Variants in ANXA4 observed in about 807,000 individuals in gnomAD.
ANXA4 encodes 35-beta calcimedin.
In ANXA4, 39 loss-of-function variants were observed where a neutral mutation model predicts 49.8. That is an observed-to-expected ratio of 0.78 (90% confidence interval 0.61 to 1.02). The LOEUF is 1.02. Ranked by LOEUF, ANXA4 falls within the 50% of genes least tolerant of loss-of-function variation. ANXA4 has a pLI of 0.00. For missense variants in ANXA4, 360 were observed against 410.1 expected (o/e 0.88, Z 1.05); for synonymous variants, 134 against 152.5 (o/e 0.88, Z 0.89).
At chr2:69,783,588 A>G (rs374798371) in intron 2 of ANXA4, among the ~76,000 whole-genome samples, 15 of 152,342 alleles carry the variant, frequency 9.8e-5, no homozygotes, top group East Asian at 7.7e-4. Context: ...AGATTTTAAA[A>G]CATGTTTTAT....
At position 69,772,218 on chromosome 2, in the gene ANXA4, G is replaced by A. The variant is rs537932722; in HGVS notation, c.-46-9302G>A. On this transcript the variant is annotated intron_variant, in intron 1 of 12. Coordinates refer to ENST00000394295, the MANE Select transcript of ANXA4 (RefSeq NM_001153.5). Reference sequence around the variant, plus strand: ...CTGAGGCATAGTTGCTAATTATTTCGCCCCATCTGTGAGCAGCAAAGGAGC... The same window carrying A: ...CTGAGGCATAGTTGCTAATTATTTCACCCCATCTGTGAGCAGCAAAGGAGC... Among the ~76,000 whole-genome samples the A allele has an allele frequency of 5.3e-5, 8 of 152,144 alleles. No individual in the cohort carries two copies. In the South Asian group the frequency reaches 6.2e-4, roughly 12 times the overall value.
upstream of ANXA4, among the ~76,000 whole-genome samples, chr2:69,738,318 A>G (rs1388059689): frequency 6.6e-6 from 1 of 152,120 alleles, no homozygotes; most frequent in Non-Finnish European, 1.5e-5. Context: ...CCCCAAAGAA[A>G]AGTATTCCAA....
chr2:69,713,341 C>T (rs1678738221), intron 2 of ANXA4, among the ~76,000 whole-genome samples: 1 of 152,080 alleles, frequency 6.6e-6, no homozygotes, highest in Non-Finnish European at 1.5e-5. Context: ...CACTCATTCT[C>T]CCCAAGGAAG....
intron 2 of ANXA4, among the ~76,000 whole-genome samples, chr2:69,713,183 A>T (rs187479320): frequency 8.9e-5 from 12 of 134,360 alleles, no homozygotes; most frequent in African/African-American, 3.3e-4. Context: ...ATTATGAAGT[A>T]AAAAAAAAAA....
At chr2:69,688,043 G>T (rs1413724612) in intron 2 of ANXA4, among the ~76,000 whole-genome samples, 1 of 152,076 alleles carries the variant, frequency 6.6e-6, no homozygotes, top group East Asian at 1.9e-4. Context: ...TCCCATTTGT[G>T]TCATAAACTT....
intron 2 of ANXA4, among the ~76,000 whole-genome samples, chr2:69,653,533 C>T (rs566113332): frequency 6.6e-5 from 10 of 152,288 alleles, no homozygotes; most frequent in South Asian, 4.1e-4. Flanking sequence ...GGAAAATACC[C>T]TAATTCCTGA....
At chr2:69,763,912 C>G (rs753246357) in intron 1 of ANXA4, among the ~76,000 whole-genome samples, 1 of 152,154 alleles carries the variant, frequency 6.6e-6, no homozygotes, top group Admixed American at 6.5e-5. Context: ...CTGCCCTCCT[C>G]GGCCTCCCAA....
intron 7 of ANXA4, among the ~76,000 whole-genome samples, chr2:69,811,760 A>G (rs1673712984): frequency 6.6e-6 from 1 of 152,126 alleles, no homozygotes; most frequent in Non-Finnish European, 1.5e-5. Context: ...TCCTACACCT[A>G]AAGAAGCAGA....
intron 2 of ANXA4, among the ~76,000 whole-genome samples, chr2:69,711,396 G>A (rs1341213436): frequency 6.6e-6 from 1 of 152,170 alleles, no homozygotes; most frequent in Admixed American, 6.5e-5. Flanking sequence ...ACATGTAACA[G>A]CATAGATAAA....
intron 3 of ANXA4, 23 bp downstream of exon 3, chr2:69,788,164 ATCC>A (rs1482787873): frequency 6.3e-7 from 1 of 1,597,676 alleles, no homozygotes; most frequent in Admixed American, 1.7e-5. Flanking sequence ...CTGGAAGTGA[ATCC>A]TCCTGCGTGC....
chr2:69,661,221 CAAAAAA>C (rs201916139), intron 2 of ANXA4, among the ~76,000 whole-genome samples: 9 of 67,832 alleles, frequency 1.3e-4, no homozygotes, highest in African/African-American at 3.8e-4. Flanking sequence ...AAGCTTCAGA[CAAAAAA>C]AAAAAAAAAA....
intron 3 of ANXA4, among the ~76,000 whole-genome samples, chr2:69,735,587 G>A (rs1670222735): frequency 6.9e-6 from 1 of 145,976 alleles, no homozygotes. Flanking sequence ...CAGTATCAGA[G>A]GGGAGACTTG....
chr2:69,819,336 A>G lies in ANXA4; in HGVS notation c.781A>G (p.Lys261Glu). 1 of 1,605,358 alleles carries G rather than the reference A, an allele frequency of 6.2e-7. No homozygotes were observed. The highest frequency in any genetic ancestry group is 8.5e-7 in the Non-Finnish European group (1 of 1,174,216). Reference protein sequence around the residue: ...YFAEKLYKSMKGLGTDDNTLI... With the variant: ...YFAEKLYKSMEGLGTDDNTLI... ...TGCTGAAAAGCTCTATAAATCGATG[A>G]AGGTAAATGGCCTTATTTTCAGCAT... The change falls in exon 11 of 13, where the codon AAG (lysine) becomes GAG (glutamate). Residue 261 changes from lysine (K) to glutamate (E), a missense_variant and splice_region_variant. Coordinates refer to ENST00000394295, the MANE Select transcript of ANXA4 (RefSeq NM_001153.5).
upstream of ANXA4, among the ~76,000 whole-genome samples, chr2:69,738,753 C>T (rs1302498521): frequency 6.6e-6 from 1 of 151,930 alleles, no homozygotes; most frequent in Non-Finnish European, 1.5e-5. Context: ...TGTAGATGCT[C>T]TAGTTGACAG....
chr2:69,768,740 A>C (rs904313278), intron 1 of ANXA4, among the ~76,000 whole-genome samples: 1 of 152,194 alleles, frequency 6.6e-6, no homozygotes, highest in African/African-American at 2.4e-5. Context: ...TTCTCAGGTC[A>C]CTGGACTGAG....
chr2:69,812,181 C>T (rs1673735308), intron 7 of ANXA4, among the ~76,000 whole-genome samples: 1 of 150,416 alleles, frequency 6.6e-6, no homozygotes, highest in African/African-American at 2.5e-5. Context: ...CAGCTCTTCA[C>T]AGGTGCCATC....
Position 69,826,122 on chromosome 2 carries a change from A to G in ANXA4, c.*607A>G, listed in dbSNP as rs910185692. The G allele has an allele frequency of 1.3e-5, 2 of 152,686 alleles. No individual in the cohort carries two copies. The highest frequency in any genetic ancestry group is 2.9e-5 in the Non-Finnish European group (2 of 68,054). 9.5% of individuals were successfully genotyped at this position (152,686 alleles called of 1,614,324 possible). ...TGAAATCACTTTCTGTAGTCAAAGT[A>G]TACCAAAACCAATTTATCTGAACTA... is the stretch of plus-strand genomic sequence containing the variant. On this transcript the variant is annotated 3_prime_UTR_variant, in exon 13 of 13. Transcript: ENST00000394295.
At chr2:69,732,614 TG>T (rs1174666232) in intron 3 of ANXA4, among the ~76,000 whole-genome samples, 1 of 151,924 alleles carries the variant, frequency 6.6e-6, no homozygotes, top group Non-Finnish European at 1.5e-5. Context: ...AAAAATTAGT[TG>T]GGCGTGGTGG....
chr2:69,698,963 A>C (rs1482160945), intron 2 of ANXA4, among the ~76,000 whole-genome samples: 3 of 152,232 alleles, frequency 2.0e-5, no homozygotes, highest in Non-Finnish European at 4.4e-5. Flanking sequence ...AGGCAGGAAA[A>C]GTGGAACAAG....
Sources: gnomAD v4.1 joint callset for allele counts (sites outside exome capture counted in the v4.1 genomes callset) on GRCh38, gnomAD v4.1.1 for gene constraint, MANE v1.5 for transcripts, NCBI Gene and HGNC (gene_info 2026-07-23, HGNC 2026-07-21) for gene names.